Variants in PTPN14 observed in about 807,000 individuals in gnomAD.
PTPN14 encodes the protein tyrosine-protein phosphatase non-receptor type 14.
In PTPN14, 53 loss-of-function variants were observed where a neutral mutation model predicts 126.8. The observed-to-expected ratio is 0.42, with a 90% CI of 0.34 to 0.53. The LOEUF (loss-of-function observed/expected upper bound fraction) is 0.53. Ranked by LOEUF, PTPN14 falls within the 20% of genes least tolerant of loss-of-function variation. The pLI is 0.08. For missense variants in PTPN14, 1,257 were observed against 1,552.9 expected (o/e 0.81, Z 3.20); for synonymous variants, 630 against 599.3 (o/e 1.05, Z -0.75).
Position 214,386,871 on chromosome 1 carries a change from G to A in PTPN14, c.1039C>T (p.His347Tyr), listed in dbSNP as rs1658629277. ...TGCGAGGTGTGCGTTTCCGAGTAGT[G>A]CTCACCACACTGGACGTGAACGGGA... The part of the protein sequence containing the change: ...LPPVHVQCGE[H>Y]YSETHTSQDS... The change falls in exon 12 of 19, where the codon CAC becomes TAC. Residue 347 changes from histidine (H) to tyrosine (Y), a missense_variant. By Grantham distance (83) the His-to-Tyr change is moderately conservative. This residue lies in a region of PTPN14 where 1,021 missense variants were observed against 1,183.3 expected (regional missense o/e 0.86). Coordinates refer to ENST00000366956, the MANE Select transcript of PTPN14 (RefSeq NM_005401.5). The A allele has an allele frequency of 6.2e-7, 1 of 1,608,496 alleles. No homozygotes were observed. Among genetic ancestry groups the A allele is most frequent in the East Asian group, 2.2e-5 (1 of 44,826 alleles).
intron 2 of PTPN14, among the ~76,000 whole-genome samples, chr1:214,456,414 T>C (rs1660383756): frequency 6.6e-6 from 1 of 152,212 alleles, no homozygotes; most frequent in African/African-American, 2.4e-5. Context: ...TAGCACTTCA[T>C]GCAATTACAT....
intron 1 of PTPN14, among the ~76,000 whole-genome samples, chr1:214,493,973 C>G (rs923315356): frequency 3.9e-5 from 6 of 152,190 alleles, no homozygotes; most frequent in Admixed American, 3.9e-4. Context: ...TTTACGTGGA[C>G]ACATCAAAGA....
At chr1:214,490,229 G>A (rs1476528710) in intron 1 of PTPN14, among the ~76,000 whole-genome samples, 1 of 152,128 alleles carries the variant, frequency 6.6e-6, no homozygotes, top group Non-Finnish European at 1.5e-5. Flanking sequence ...TTTCCACAAA[G>A]TTACAAGGGG....
chr1:214,428,492 A>G (rs1006944223), intron 3 of PTPN14, among the ~76,000 whole-genome samples: 1 of 152,246 alleles, frequency 6.6e-6, no homozygotes, highest in Admixed American at 6.5e-5. Context: ...AAGAGGAAGT[A>G]TCTTTGATAT....
chr1:214,508,316 T>C (rs1451734913), intron 1 of PTPN14, among the ~76,000 whole-genome samples: 4 of 152,212 alleles, frequency 2.6e-5, no homozygotes, highest in Non-Finnish European at 5.9e-5. Flanking sequence ...ACTAAGTATA[T>C]GTTATATTCT....
At chr1:214,511,457 G>A (rs908789321) in intron 1 of PTPN14, among the ~76,000 whole-genome samples, 4 of 149,778 alleles carry the variant, frequency 2.7e-5, no homozygotes, top group African/African-American at 4.9e-5. Flanking sequence ...GTGAGACAAT[G>A]AGGTATCACC....
At chr1:214,493,390 T>C (rs74142724) in intron 1 of PTPN14, among the ~76,000 whole-genome samples, 4,870 of 152,252 alleles carry the variant, frequency 0.032, 228 homozygotes, top group African/African-American at 0.11. Context: ...CCACCAACCA[T>C]GTACAAGACA....
At chr1:214,488,899 T>C (rs1314581886) in intron 1 of PTPN14, among the ~76,000 whole-genome samples, 1 of 152,248 alleles carries the variant, frequency 6.6e-6, no homozygotes, top group Non-Finnish European at 1.5e-5. Flanking sequence ...TATGTTGCAA[T>C]ACATTTCATC....
intron 1 of PTPN14, among the ~76,000 whole-genome samples, chr1:214,511,467 C>T (rs1654971518): frequency 6.7e-6 from 1 of 149,742 alleles, no homozygotes; most frequent in South Asian, 2.1e-4. Context: ...GAGGTATCAC[C>T]TCACAGGATG....
At chr1:214,511,486 CAA>C (rs112523413) in intron 1 of PTPN14, among the ~76,000 whole-genome samples, 3 of 124,724 alleles carry the variant, frequency 2.4e-5, no homozygotes, top group Non-Finnish European at 1.8e-5. Context: ...TGGCCCTTAT[CAA>C]AAAAAAAAAA....
intron 1 of PTPN14, among the ~76,000 whole-genome samples, chr1:214,484,015 T>A (rs903537917): frequency 6.6e-6 from 1 of 152,216 alleles, no homozygotes; most frequent in African/African-American, 2.4e-5. Flanking sequence ...TAATAAAGAA[T>A]AGGACAAAAG....
intron 1 of PTPN14, among the ~76,000 whole-genome samples, chr1:214,542,647 G>A (rs774547861): frequency 3.3e-5 from 5 of 152,116 alleles, no homozygotes; most frequent in Admixed American, 6.5e-5. Flanking sequence ...AGAGAAAGTG[G>A]TATTGAAGGA....
chr1:214,447,528 T>C (rs182993973), intron 3 of PTPN14, among the ~76,000 whole-genome samples: 111 of 151,912 alleles, frequency 7.3e-4, no homozygotes, highest in Non-Finnish European at 1.4e-3. Flanking sequence ...ATAAATGTAA[T>C]TCCTTTATTC....
chr1:214,483,428 C>A lies in PTPN14; in HGVS notation c.-154-18471G>T, dbSNP rs116197816. On this transcript the variant is annotated intron_variant, in intron 1 of 18. Coordinates refer to ENST00000366956, the MANE Select transcript of PTPN14 (RefSeq NM_005401.5). ...ACCGGGTGGGCACTGGTGGCCAGGG[C>A]GGGAGCGGGCGCACAAGCCTCGCCT... The A allele has an allele frequency of 1.1e-5, 14 of 1,299,500 alleles. No homozygotes were observed. In the African/African-American group the frequency reaches 1.7e-4, roughly 16 times the overall value. The allele number at this position is 1,299,500 out of a possible 1,614,324, so 80.5% of individuals were successfully genotyped here. A position where few individuals can be genotyped will look rare whatever the true frequency, so the allele number is the denominator to read the frequency against.
intron 3 of PTPN14, among the ~76,000 whole-genome samples, chr1:214,441,654 T>C (rs1181570412): frequency 2.0e-5 from 3 of 152,210 alleles, no homozygotes; most frequent in Admixed American, 1.3e-4. Flanking sequence ...CCCTACAATC[T>C]TGAGAATCCT....
intron 11 of PTPN14, among the ~76,000 whole-genome samples, chr1:214,387,343 T>C (rs368979985): frequency 1.3e-5 from 2 of 152,098 alleles, no homozygotes; most frequent in East Asian, 3.9e-4. Context: ...GAAATGCCAT[T>C]TCTATTAAAA....
At chr1:214,390,835 G>A (rs576169878) in intron 11 of PTPN14, among the ~76,000 whole-genome samples, 153 bp downstream of exon 11, 105 of 152,254 alleles carry the variant, frequency 6.9e-4, no homozygotes, top group Non-Finnish European at 1.2e-3. Context: ...GGGACAAAAC[G>A]GGTGTCCATC....
intron 13 of PTPN14, among the ~76,000 whole-genome samples, chr1:214,382,201 G>A (rs544414071): frequency 1.3e-5 from 2 of 152,106 alleles, no homozygotes; most frequent in Non-Finnish European, 2.9e-5. Context: ...GTGCCCAGTC[G>A]AGATTTTTTA....
At chr1:214,476,349 A>T (rs565993931) in intron 1 of PTPN14, among the ~76,000 whole-genome samples, 1 of 152,090 alleles carries the variant, frequency 6.6e-6, no homozygotes, top group East Asian at 1.9e-4. Context: ...CTGAGGATAA[A>T]CATACCTTGA....
Sources: allele counts gnomAD v4.1 joint callset (sites outside exome capture counted in the v4.1 genomes callset), GRCh38; gene constraint gnomAD v4.1.1; regional missense constraint gnomAD v4.1.1; transcripts MANE v1.5; gene names NCBI Gene and HGNC (gene_info 2026-07-23, HGNC 2026-07-21).